Variants in C14orf39 observed in about 807,000 individuals in gnomAD.
C14orf39 encodes the protein protein SIX6OS1.
In C14orf39, 66 loss-of-function variants were observed where a neutral mutation model predicts 85.6. That is an observed-to-expected ratio of 0.77 (90% CI 0.63 to 0.95). C14orf39 has a LOEUF of 0.95. Among genes scored for constraint, C14orf39 ranks in the 40% least tolerant of loss-of-function variants. C14orf39 has a pLI of 0.00. For synonymous variants in C14orf39, 242 were observed against 214.0 expected (o/e 1.13, Z -1.14); for missense variants, 735 against 663.9 (o/e 1.11, Z -1.18).
At position 60,471,608 on chromosome 14, in the gene C14orf39, ACT is replaced by A. The variant is rs769928646; in HGVS notation, c.453_454del (p.Arg151SerfsTer6). 1.2e-5 allele frequency: 19 copies of A among 1,610,384 alleles called. No homozygotes were observed. Among genetic ancestry groups the A allele is most frequent in the Non-Finnish European group, 1.6e-5 (19 of 1,178,304 alleles). On this transcript the variant is annotated frameshift_variant, in exon 6 of 18. Coordinates refer to ENST00000321731, the MANE Select transcript of C14orf39 (RefSeq NM_174978.3). LOFTEE classifies it high-confidence loss of function. ...TTTTAATTGTTCAGTACATGCCAAC[ACT>A]CTGCTTTGAATTTCTTCATGTTCTC...
At chr14:60,467,147 T>C (rs1260484813) in intron 9 of C14orf39, 103 bp from the exon 10 acceptor site, 1 of 480,284 alleles carries the variant, frequency 2.1e-6, no homozygotes, top group Non-Finnish European at 3.2e-6. Flanking sequence ...ACCCCTCGTT[T>C]TGCAGATAAT....
In C14orf39 at chr14:60,478,286, T is replaced by G; in HGVS notation, c.323+14A>C. ...AAACTTATAGAATTGATAAACTTCA[T>G]ATAAGTACTATACTTGTCTTTTTCA... On this transcript the variant is annotated intron_variant, in intron 5 of 17. Coordinates refer to ENST00000321731, the MANE Select transcript of C14orf39 (RefSeq NM_174978.3). 7.6e-7 allele frequency: 1 copy of G among 1,315,888 alleles called. No individual in the cohort carries two copies. The highest frequency in any genetic ancestry group is 1.0e-6 in the Non-Finnish European group (1 of 968,202). 81.5% of individuals were successfully genotyped at this position (1,315,888 alleles called of 1,614,324 possible). A position where few individuals can be genotyped will look rare whatever the true frequency, so the allele number is the denominator to read the frequency against.
intron 1 of C14orf39, chr14:60,509,780 G>C (rs1344962002): frequency 9.3e-6 from 15 of 1,613,062 alleles, no homozygotes; most frequent in Non-Finnish European, 1.3e-5. Flanking sequence ...CATTTGGGAC[G>C]GCGAACAGAA....
Position 60,461,516 on chromosome 14 carries a change from C to A in C14orf39, c.1050G>T (p.Met350Ile), listed in dbSNP as rs1435108105. ...TTATTTTAAAAAGTTACCTGACTTG[C>A]ATAAACTTTTGTGAACTTGTGATAG... ...ITTITSSQKFMQVRLLTPQKQ... is the reference protein window; with the variant it reads ...ITTITSSQKFIQVRLLTPQKQ... Residue 350 changes from methionine (M) to isoleucine (I), a missense_variant, in exon 12 of 18, where the codon ATG (methionine) becomes ATT (isoleucine). Coordinates refer to ENST00000321731, the MANE Select transcript of C14orf39 (RefSeq NM_174978.3). The A allele has an allele frequency of 6.3e-7, 1 of 1,590,930 alleles. No homozygotes were observed. The highest frequency in any genetic ancestry group is 8.5e-7 in the Non-Finnish European group (1 of 1,170,372).
At chr14:60,482,064 A>G (rs1323897170) in intron 4 of C14orf39, among the ~76,000 whole-genome samples, 1 of 152,202 alleles carries the variant, frequency 6.6e-6, no homozygotes, top group Non-Finnish European at 1.5e-5. Flanking sequence ...TTTCACATTT[A>G]AATCTCATAA....
chr14:60,483,949 G>T, intron 3 of C14orf39, 132 bp from the exon 4 acceptor site: 1 of 597,926 alleles, frequency 1.7e-6, no homozygotes, highest in Non-Finnish European at 2.8e-6. Flanking sequence ...AACGAGGCTT[G>T]AGATGGGTGG....
At chr14:60,474,908 G>A (rs1014951722) in intron 5 of C14orf39, among the ~76,000 whole-genome samples, 88 of 152,162 alleles carry the variant, frequency 5.8e-4, no homozygotes, top group Non-Finnish European at 1.0e-3. Flanking sequence ...GGATGATGCT[G>A]GCCTCATAAA....
intron 5 of C14orf39, 75 bp from the exon 6 acceptor site, chr14:60,471,814 C>A: frequency 1.2e-6 from 1 of 819,450 alleles, no homozygotes. Context: ...CTGTTAAAGT[C>A]TACTAAACAT....
At chr14:60,452,420 C>T (rs1162034428) in intron 16 of C14orf39, among the ~76,000 whole-genome samples, 1 of 151,682 alleles carries the variant, frequency 6.6e-6, no homozygotes, top group Admixed American at 6.6e-5. Flanking sequence ...CATATTCTCA[C>T]TTATTTGTGG....
At chr14:60,441,379 GTGATCCTCTCAA>G (rs1227006383) in intron 17 of C14orf39, among the ~76,000 whole-genome samples, 1 of 152,100 alleles carries the variant, frequency 6.6e-6, no homozygotes, top group African/African-American at 2.4e-5. Context: ...TGGGTAGTTG[GTGATCCTCTCAA>G]TGAAACAAGG....
rs1051699388 is a variant in C14orf39 at position 60,515,066 on chromosome 14, G to T, written c.-144+329C>A. The T allele has an allele frequency of 6.6e-6, 1 of 152,530 alleles. No homozygotes were observed. Among genetic ancestry groups the T allele is most frequent in the Non-Finnish European group, 1.5e-5 (1 of 68,362 alleles). The allele number at this position is 152,530 out of a possible 1,614,324, so 9.4% of individuals were successfully genotyped here. ...TGTCGGGGAGGAGGCGGCGGCGAGG[G>T]GAGAAGGGGTCATTGTCCGCGCGCT... On this transcript the variant is annotated intron_variant, in intron 1 of 5. Transcript: ENST00000556799. This position sits in a 1 kb window ranked among gnomAD's most constrained non-coding sequence, Gnocchi z 6.2.
chr14:60,511,442 C>T (rs1566691737), intron 1 of C14orf39: 2 of 682,250 alleles, frequency 2.9e-6, no homozygotes, highest in East Asian at 2.7e-5. Context: ...CGCCCTTTGG[C>T]CGCGACCACG....
intron 11 of C14orf39, among the ~76,000 whole-genome samples, chr14:60,463,203 T>C (rs2140095778): frequency 6.6e-6 from 1 of 152,088 alleles, no homozygotes; most frequent in Non-Finnish European, 1.5e-5. Context: ...GGGTCTGGCA[T>C]CTTGTTATGT....
intron 8 of C14orf39, 147 bp downstream of exon 8, chr14:60,469,386 C>A (rs542963556): frequency 8.3e-6 from 2 of 240,080 alleles, no homozygotes. Context: ...CCTAAAATAC[C>A]TTTTGGCTCC....
At chr14:60,512,358 T>C (rs990449408) in intron 1 of C14orf39, 3 of 152,228 alleles carry the variant, frequency 2.0e-5, no homozygotes, top group Non-Finnish European at 4.4e-5. Context: ...CCCATGATCA[T>C]GCTAGAGTGA....
upstream of C14orf39, among the ~76,000 whole-genome samples, chr14:60,489,970 G>A (rs1481354495): frequency 1.3e-5 from 2 of 152,118 alleles, no homozygotes; most frequent in Non-Finnish European, 2.9e-5. Context: ...TGAATCCAAT[G>A]AACATGTTTC....
At chr14:60,463,559 C>T (rs2140096927) in intron 11 of C14orf39, among the ~76,000 whole-genome samples, 1 of 152,090 alleles carries the variant, frequency 6.6e-6, no homozygotes, top group Non-Finnish European at 1.5e-5. Flanking sequence ...CTAAAAACCA[C>T]TAAATCTACA....
chr14:60,444,155 C>T (rs1405955890), intron 16 of C14orf39, among the ~76,000 whole-genome samples: 3 of 152,204 alleles, frequency 2.0e-5, no homozygotes, highest in Non-Finnish European at 4.4e-5. Context: ...AAAAGGATTG[C>T]TGCTCCTTGC....
chr14:60,440,030 G>A (rs907133333), intron 17 of C14orf39, among the ~76,000 whole-genome samples: 1 of 152,078 alleles, frequency 6.6e-6, no homozygotes, highest in Admixed American at 6.6e-5. Flanking sequence ...AGCCGAGATA[G>A]TGCTATTGCA....
Sources: gnomAD v4.1 joint callset for allele counts (sites outside exome capture counted in the v4.1 genomes callset) on GRCh38, gnomAD v4.1.1 for gene constraint, Gnocchi (gnomAD v3.1) non-coding constraint, MANE v1.5 for transcripts, NCBI Gene and HGNC (gene_info 2026-07-23, HGNC 2026-07-21) for gene names.